TCEA2: variants seen among roughly 807,000 people sequenced by gnomAD.
TCEA2 encodes the protein transcription elongation factor A protein 2.
TCEA2 carries 21 observed loss-of-function variants against 40.8 expected under a neutral mutation model. The ratio of observed to expected loss-of-function variants is 0.51; its 90% confidence interval spans 0.36 to 0.74. TCEA2 has a LOEUF of 0.74. Among genes scored for constraint, TCEA2 ranks in the 30% least tolerant of loss-of-function variants. The pLI, the probability that TCEA2 is intolerant of heterozygous loss-of-function variation, is 0.00. For missense variants in TCEA2, 326 were observed against 426.5 expected (o/e 0.76, Z 2.08); for synonymous variants, 165 against 162.7 (o/e 1.01, Z -0.11).
intron 9 of TCEA2, 42 bp from the exon 10 acceptor site, chr20:64,072,130 C>A: frequency 6.2e-7 from 1 of 1,612,438 alleles, no homozygotes; most frequent in Non-Finnish European, 8.5e-7. Flanking sequence ...TGGGGGATCT[C>A]ATGTGGCCAC....
chr20:64,071,673 C>G (rs1455315397), intron 8 of TCEA2, among the ~76,000 whole-genome samples, 197 bp from the exon 9 acceptor site: 1 of 152,242 alleles, frequency 6.6e-6, no homozygotes, highest in Non-Finnish European at 1.5e-5. Flanking sequence ...CAGGCTCACA[C>G]AAGGGCCTCT....
chr20:64,063,638 C>G (rs1311238577), intron 1 of TCEA2: 3 of 532,970 alleles, frequency 5.6e-6, no homozygotes, highest in Non-Finnish European at 9.9e-6. Flanking sequence ...GAGAGCCACC[C>G]GCTCTGGACT....
Position 64,072,301 on chromosome 20 carries a change from C to T in TCEA2, c.*121C>T, listed in dbSNP as rs995740587. ...GCCCTCAACCTGCCTGCCTGGATTG[C>T]ACCTTTCTGCCCTTTCCCCCTCATT... On this transcript the variant is annotated 3_prime_UTR_variant, in exon 10 of 10. Transcript: ENST00000343484. 13 of 1,079,068 alleles carry T rather than the reference C, an allele frequency of 1.2e-5. No homozygotes were observed. The highest frequency in any genetic ancestry group is 1.5e-5 in the Non-Finnish European group (11 of 732,134). The allele number at this position is 1,079,068 out of a possible 1,614,324, so 66.8% of individuals were successfully genotyped here.
rs2059693996 is a variant in TCEA2 at position 64,066,377 on chromosome 20, A to G, written c.73-99A>G. ...TTTTTGACCCCAGGTTGAATCTCCA[A>G]ATTGTCACTGCCTTGTGTTCTCCTC... On this transcript the variant is annotated intron_variant, in intron 1 of 9. Transcript: ENST00000343484. 7 of 1,458,834 alleles carry G rather than the reference A, an allele frequency of 4.8e-6. No individual in the cohort carries two copies. In the Admixed American group the frequency reaches 1.1e-4, roughly 23 times the overall value. The allele number at this position is 1,458,834 out of a possible 1,614,324, so 90.4% of individuals were successfully genotyped here.
upstream of TCEA2, among the ~76,000 whole-genome samples, chr20:64,060,897 C>G (rs564402536): frequency 1.8e-3 from 280 of 151,802 alleles, 1 homozygote; most frequent in Non-Finnish European, 3.2e-3. Flanking sequence ...TCAAGCGATT[C>G]TCCTGCCTCA....
Position 64,072,304 on chromosome 20 carries a change from C to T in TCEA2, c.*124C>T. On this transcript the variant is annotated 3_prime_UTR_variant, in exon 10 of 10. Transcript: ENST00000343484. ...CTCAACCTGCCTGCCTGGATTGCAC[C>T]TTTCTGCCCTTTCCCCCTCATTATT... 9.9e-7 allele frequency: 1 copy of T among 1,013,238 alleles called. No homozygotes were observed. Among genetic ancestry groups the T allele is most frequent in the African/African-American group, 1.6e-5 (1 of 62,364 alleles). The allele number at this position is 1,013,238 out of a possible 1,614,324, so 62.8% of individuals were successfully genotyped here. A position where few individuals can be genotyped will look rare whatever the true frequency, so the allele number is the denominator to read the frequency against.
At chr20:64,069,588 C>G (rs2059778515) in intron 5 of TCEA2, 97 bp downstream of exon 5, 1 of 1,555,268 alleles carries the variant, frequency 6.4e-7, no homozygotes, top group South Asian at 1.2e-5. Flanking sequence ...AGCGGGGTGA[C>G]TGTCCTCCCC....
At position 64,070,641 on chromosome 20, in the gene TCEA2, C is replaced by T. The variant is rs149349234; in HGVS notation, c.819+6C>T. The T allele has an allele frequency of 1.5e-5, 24 of 1,556,954 alleles. No individual in the cohort carries two copies. The highest frequency in any genetic ancestry group is 9.5e-5 in the African/African-American group (7 of 73,454). On this transcript the variant is annotated splice_donor_region_variant and intron_variant, in intron 8 of 9. Coordinates refer to ENST00000343484, the MANE Select transcript of TCEA2 (RefSeq NM_003195.6). The stretch of plus-strand genomic sequence containing the variant: ...AGAACTGCACCTACACACAGGTGAG[C>T]GGCCGCTGGGCACCCTCCCCCGGGC...
At position 64,063,335 on chromosome 20, in the gene TCEA2, T is replaced by C; in HGVS notation, c.23T>C (p.Ile8Thr). ...GCGATGATGGGCAAGGAAGAGGAGATTGCGCGGATCGCCCGGAGGCTGGAC... is the reference window on the plus strand; with the variant it reads ...GCGATGATGGGCAAGGAAGAGGAGACTGCGCGGATCGCCCGGAGGCTGGAC... MMGKEEE[I>T]ARIARRLDKM... The change falls in exon 1 of 10, where the codon ATT (isoleucine) becomes ACT (threonine). Residue 8 changes from isoleucine (I) to threonine (T), a missense_variant. Ile to Thr is a moderately conservative substitution (Grantham distance 89). Coordinates refer to ENST00000343484, the MANE Select transcript of TCEA2 (RefSeq NM_003195.6). 1.3e-6 allele frequency: 2 copies of C among 1,548,846 alleles called. No individual in the cohort carries two copies. The highest frequency in any genetic ancestry group is 1.7e-6 in the Non-Finnish European group (2 of 1,146,990).
At chr20:64,070,440 G>A in intron 7 of TCEA2, 26 bp downstream of exon 7, 1 of 1,613,834 alleles carries the variant, frequency 6.2e-7, no homozygotes, top group South Asian at 1.1e-5. Flanking sequence ...AGGGGCTGGA[G>A]GGCTGCTCCC....
chr20:64,071,839 T>A, intron 8 of TCEA2, 31 bp from the exon 9 acceptor site: 1 of 1,611,938 alleles, frequency 6.2e-7, no homozygotes, highest in Non-Finnish European at 8.5e-7. Context: ...AGCATGGAGG[T>A]GACCCTGGGT....
At chr20:64,066,809 G>T in intron 2 of TCEA2, 106 bp from the exon 3 acceptor site, 1 of 1,146,100 alleles carries the variant, frequency 8.7e-7, no homozygotes, top group East Asian at 2.6e-5. Context: ...ACCTCCCTGG[G>T]AGGTCCCGGG....
chr20:64,066,342 T>G, intron 1 of TCEA2, 134 bp from the exon 2 acceptor site: 2 of 1,052,330 alleles, frequency 1.9e-6, no homozygotes, highest in Non-Finnish European at 2.9e-6. Context: ...GGTAGAGGAA[T>G]TTTGGTTTCT....
At position 64,066,942 on chromosome 20, in the gene TCEA2, G is replaced by C. The variant is rs373707539; in HGVS notation, c.163G>C (p.Ala55Pro). 2 of 1,613,910 alleles carry C rather than the reference G, an allele frequency of 1.2e-6. No homozygotes were observed. Among genetic ancestry groups the C allele is most frequent in the Non-Finnish European group, 1.7e-6 (2 of 1,179,982 alleles). Residue 55 changes from alanine (A) to proline (P), a missense_variant, in exon 3 of 10, where the codon GCC becomes CCC. Coordinates refer to ENST00000343484, the MANE Select transcript of TCEA2 (RefSeq NM_003195.6). ...QSTRVGMSVN[A>P]LRKQSSDEEV... ...CACCCGAGTCGGGATGTCTGTCAAC[G>C]CCCTTCGGAAGCAGAGCTCGGATGA...
upstream of TCEA2, among the ~76,000 whole-genome samples, chr20:64,056,472 GGCGCAGAGAC>G (rs1417714049): frequency 2.6e-5 from 4 of 152,250 alleles, no homozygotes; most frequent in African/African-American, 9.6e-5. Flanking sequence ...GATGGAAAGG[GGCGCAGAGAC>G]GGCTCCTAGG....
chr20:64,065,496 C>G (rs552833783), intron 1 of TCEA2: 2 of 146,414 alleles, frequency 1.4e-5, no homozygotes, highest in South Asian at 4.6e-4. Context: ...ACAGGAGAGG[C>G]CTTGCTGAGA....
Position 64,063,322 on chromosome 20 carries a change from A to C in TCEA2, c.10A>C (p.Lys4Gln), listed in dbSNP as rs540313866. 6.5e-7 allele frequency: 1 copy of C among 1,545,648 alleles called. No homozygotes were observed. The highest frequency in any genetic ancestry group is 2.5e-5 in the East Asian group (1 of 40,522). MMGKEEEIARIARR... is the reference protein window; with the variant it reads MMGQEEEIARIARR... ...CGCTGCTCCTGAGGCGATGATGGGC[A>C]AGGAAGAGGAGATTGCGCGGATCGC... The change falls in exon 1 of 10, where the codon AAG becomes CAG. Residue 4 changes from lysine (K) to glutamine (Q), a missense_variant. Transcript: ENST00000343484.
chr20:64,070,688 G>A (rs1601601206), intron 8 of TCEA2, 53 bp downstream of exon 8: 4 of 1,470,660 alleles, frequency 2.7e-6, no homozygotes, highest in South Asian at 1.4e-5. Flanking sequence ...AGGGCATCTG[G>A]TGCCCCTCCT....
At chr20:64,069,658 T>G in intron 5 of TCEA2, 107 bp from the exon 6 acceptor site, 1 of 1,537,530 alleles carries the variant, frequency 6.5e-7, no homozygotes, top group Non-Finnish European at 8.8e-7. Flanking sequence ...GTGGGCCTCT[T>G]GCAGGGACCC....
Sources: gnomAD v4.1 joint callset for allele counts (sites outside exome capture counted in the v4.1 genomes callset) on GRCh38, gnomAD v4.1.1 for gene constraint, MANE v1.5 for transcripts, NCBI Gene and HGNC (gene_info 2026-07-23, HGNC 2026-07-21) for gene names.